The following SLIT2 variants were observed in gnomAD, a reference collection of about 807,000 sequenced individuals.
SLIT2 encodes slit homolog 2 protein.
SLIT2 carries 41 observed loss-of-function variants against 185.7 expected under a neutral mutation model. The ratio of observed to expected loss-of-function variants is 0.22; its 90% CI spans 0.17 to 0.29. The LOEUF (loss-of-function observed/expected upper bound fraction) is 0.29, where lower values mean the gene tolerates loss of function less well. SLIT2 is among the 10% of genes least tolerant of loss of function. The pLI is 1.00. For synonymous variants in SLIT2, 693 were observed against 680.2 expected (o/e 1.02, Z -0.29); for missense variants, 1,571 against 1,909.0 (o/e 0.82, Z 3.30).
chr4:20,257,829 G>A, intron 2 of SLIT2, 39 bp from the exon 3 acceptor site: 1 of 987,868 alleles, frequency 1.0e-6, no homozygotes. Flanking sequence ...CAGATGGTGA[G>A]TGGTAACATT....
chr4:20,404,932 G>T (rs1195871948), intron 4 of SLIT2, among the ~76,000 whole-genome samples: 2 of 151,814 alleles, frequency 1.3e-5, no homozygotes, highest in African/African-American at 4.8e-5. Flanking sequence ...TGAAATACTG[G>T]TATTTTTTTC....
At chr4:20,505,355 T>C (rs1719108544) in intron 9 of SLIT2, among the ~76,000 whole-genome samples, 1 of 152,096 alleles carries the variant, frequency 6.6e-6, no homozygotes, top group African/African-American at 2.4e-5. Context: ...GTGACACACC[T>C]TGAAAAATTC....
At chr4:20,285,291 A>G (rs1484352638) in intron 4 of SLIT2, among the ~76,000 whole-genome samples, 4 of 152,142 alleles carry the variant, frequency 2.6e-5, no homozygotes, top group African/African-American at 7.2e-5. Context: ...AAGATTAACA[A>G]CCCTTTGCTG....
chr4:20,466,608 G>C (rs1056135771), intron 4 of SLIT2, among the ~76,000 whole-genome samples: 1 of 152,146 alleles, frequency 6.6e-6, no homozygotes. Flanking sequence ...CTCCGTATCT[G>C]CCGGTTCTCT....
chr4:20,493,131 C>T lies in SLIT2; in HGVS notation c.914+1232C>T, dbSNP rs1343150091. Among the ~76,000 whole-genome samples, 4 of 152,112 alleles carry T rather than the reference C, an allele frequency of 2.6e-5. No individual in the cohort carries two copies. The East Asian group carries it at 7.7e-4, about 29-fold the overall frequency. ...ACTTGGGAAGAGACAGATGACATTA[C>T]TGAAAAAGAAACATTGGCAGCAAAG... On this transcript the variant is annotated intron_variant, in intron 9 of 36. Transcript: ENST00000504154.
Position 20,543,968 on chromosome 4 carries a change from C to G in SLIT2, c.2276+1342C>G, listed in dbSNP as rs536285. ...CCCTCCTCTGTGGGAAAGCTAGATG[C>G]CTATAGAATATTCTGTGTCCACAGG... On this transcript the variant is annotated intron_variant, in intron 21 of 36. Coordinates refer to ENST00000504154, the MANE Select transcript of SLIT2 (RefSeq NM_004787.4). Among the ~76,000 whole-genome samples, 690 of 151,998 alleles carry G rather than the reference C, an allele frequency of 4.5e-3. 7 individuals carry two copies. Among genetic ancestry groups the G allele is most frequent in the African/African-American group, 0.016 (650 of 41,448 alleles).
Position 20,596,506 on chromosome 4 carries a change from G to A in SLIT2, c.3412G>A (p.Val1138Ile), listed in dbSNP as rs752006737. 7.1e-5 allele frequency: 115 copies of A among 1,613,866 alleles called. 2 individuals are homozygous for A. Among genetic ancestry groups the A allele is most frequent in the South Asian group, 4.1e-4 (37 of 91,082 alleles). Residue 1138 changes from valine to isoleucine, a missense_variant, in exon 32 of 37, where the codon GTC becomes ATC. Physicochemically the swap from Val to Ile is conservative, Grantham distance 29. Around this residue, in one of 3 missense-constraint regions of SLIT2, gnomAD observed 1,202 missense variants for 1,416.4 expected, o/e 0.85. Transcript: ENST00000504154. ...TTGTCAGAATGGAGCTCAGTGTATCGTCAGAATAAATGAGCCAATATGTCA... is the reference window on the plus strand; with the variant it reads ...TTGTCAGAATGGAGCTCAGTGTATCATCAGAATAAATGAGCCAATATGTCA... Reference protein sequence around the residue: ...FDCQNGAQCIVRINEPICQCL... With the variant: ...FDCQNGAQCIIRINEPICQCL...
chr4:20,571,789 G>A (rs764610808), intron 29 of SLIT2, among the ~76,000 whole-genome samples: 5 of 152,054 alleles, frequency 3.3e-5, no homozygotes, highest in African/African-American at 9.7e-5. Context: ...TCTATATCCC[G>A]AAAGCATACA....
Position 20,503,526 on chromosome 4 carries a change from C to T in SLIT2, c.915-6969C>T, listed in dbSNP as rs562218193. 6.6e-5 allele frequency among the ~76,000 whole-genome samples: 10 copies of T among 152,196 alleles called. No individual in the cohort carries two copies. In the East Asian group the frequency reaches 1.7e-3, roughly 26 times the overall value. On this transcript the variant is annotated intron_variant, in intron 9 of 36. Coordinates refer to ENST00000504154, the MANE Select transcript of SLIT2 (RefSeq NM_004787.4). ...AAACATAATGATAGTGACATATTCTCTCCCCCTGAAATCTGTGGGCCATGT... is the reference window on the plus strand; with the variant it reads ...AAACATAATGATAGTGACATATTCTTTCCCCCTGAAATCTGTGGGCCATGT...
chr4:20,514,567 C>T (rs1159586602), intron 11 of SLIT2, among the ~76,000 whole-genome samples: 4 of 152,124 alleles, frequency 2.6e-5, no homozygotes, highest in African/African-American at 9.7e-5. Flanking sequence ...ATCTCTTGAA[C>T]CCGGGAGACG....
intron 27 of SLIT2, 35 bp from the exon 28 acceptor site, chr4:20,567,483 A>G (rs1276790821): frequency 1.9e-6 from 3 of 1,608,194 alleles, no homozygotes; most frequent in South Asian, 1.1e-5. Context: ...GCCAAGAACT[A>G]CTTCACTCGA....
chr4:20,561,795 A>G (rs780690777), intron 26 of SLIT2, among the ~76,000 whole-genome samples: 1 of 151,642 alleles, frequency 6.6e-6, no homozygotes, highest in South Asian at 2.1e-4. Context: ...TGCTAAACGT[A>G]CCATTTAAAA....
intron 4 of SLIT2, among the ~76,000 whole-genome samples, chr4:20,283,120 G>GCACACACACACA (rs55949957): frequency 6.0e-5 from 9 of 149,958 alleles, no homozygotes; most frequent in African/African-American, 2.2e-4. Flanking sequence ...GTGCGCGCGC[G>GCACACACACACA]CACACACACA....
intron 11 of SLIT2, among the ~76,000 whole-genome samples, chr4:20,518,589 T>TA (rs1560495149): frequency 4.0e-3 from 25 of 6,216 alleles, no homozygotes; most frequent in East Asian, 8.8e-3. Context: ...ATATATATAT[T>TA]TTTTTTTTTT....
intron 30 of SLIT2, among the ~76,000 whole-genome samples, chr4:20,594,251 A>G (rs1380144457): frequency 2.0e-5 from 3 of 149,714 alleles, no homozygotes; most frequent in African/African-American, 7.4e-5. Flanking sequence ...ATACATATAC[A>G]TATACATACA....
At chr4:20,606,622 A>G (rs906111926) in intron 33 of SLIT2, among the ~76,000 whole-genome samples, 1 of 152,232 alleles carries the variant, frequency 6.6e-6, no homozygotes, top group African/African-American at 2.4e-5. Flanking sequence ...TGGTGTGATC[A>G]GATTAGACAT....
chr4:20,541,636 A>T lies in SLIT2; in HGVS notation c.2143+17A>T, dbSNP rs1263440262. 1 of 1,610,662 alleles carries T rather than the reference A, an allele frequency of 6.2e-7. No homozygotes were observed. On this transcript the variant is annotated intron_variant, in intron 20 of 36. Coordinates refer to ENST00000504154, the MANE Select transcript of SLIT2 (RefSeq NM_004787.4). ...GTGATGACGGTAAGAAATACTTATC[A>T]ACTCTTTGATTGTCAGGCATTCACA...
intron 16 of SLIT2, among the ~76,000 whole-genome samples, 183 bp downstream of exon 16, chr4:20,529,282 T>C (rs1721576281): frequency 6.6e-6 from 1 of 152,240 alleles, no homozygotes; most frequent in African/African-American, 2.4e-5. Context: ...TTCATCTTTC[T>C]AGCCAACCAT....
At chr4:20,455,551 C>T (rs1159707587) in intron 4 of SLIT2, among the ~76,000 whole-genome samples, 1 of 151,818 alleles carries the variant, frequency 6.6e-6, no homozygotes, top group Non-Finnish European at 1.5e-5. Flanking sequence ...CATTCATCAG[C>T]CAAGAAATAA....
Sources: gnomAD v4.1 joint callset for allele counts (sites outside exome capture counted in the v4.1 genomes callset) on GRCh38, gnomAD v4.1.1 for gene constraint, gnomAD v4.1.1 regional missense constraint, MANE v1.5 for transcripts, NCBI Gene and HGNC (gene_info 2026-07-23, HGNC 2026-07-21) for gene names.